The following CSTPP1 variants were observed in gnomAD, a reference collection of about 807,000 sequenced individuals.
The protein encoded by CSTPP1 is centriolar satellite-associated tubulin polyglutamylase complex regulator 1.
the CSTPP1 span, among the ~76,000 whole-genome samples, chr11:47,105,535 G>A: frequency 3.9e-5 from 6 of 151,994 alleles, no homozygotes; most frequent in African/African-American, 1.2e-4. Flanking sequence ...AAAAGAAACA[G>A]TAAGTACAGC....
the CSTPP1 span, among the ~76,000 whole-genome samples, chr11:47,007,794 C>T: frequency 6.6e-6 from 1 of 152,108 alleles, no homozygotes; most frequent in African/African-American, 2.4e-5. Context: ...GGCAGATGGC[C>T]TGGGCACTAG....
the CSTPP1 span, among the ~76,000 whole-genome samples, chr11:46,983,661 G>A: frequency 3.9e-5 from 6 of 152,088 alleles, no homozygotes; most frequent in Non-Finnish European, 7.4e-5. Context: ...AATGTAAAAT[G>A]ACACTCTCCG....
chr11:46,940,856 AAGGC>A, the CSTPP1 span, among the ~76,000 whole-genome samples: 1 of 152,216 alleles, frequency 6.6e-6, no homozygotes, highest in Non-Finnish European at 1.5e-5. Context: ...AATATTTGAA[AAGGC>A]TAGTTCATTG....
At chr11:46,985,573 C>G in the CSTPP1 span, among the ~76,000 whole-genome samples, 7 of 152,148 alleles carry the variant, frequency 4.6e-5, no homozygotes, top group South Asian at 6.2e-4. Flanking sequence ...TAAAGTTTGT[C>G]AGGAAACCTC....
chr11:47,119,661 G>C, the CSTPP1 span, among the ~76,000 whole-genome samples: 1 of 144,642 alleles, frequency 6.9e-6, no homozygotes, highest in Non-Finnish European at 1.5e-5. Context: ...GCCCAGGCTG[G>C]AGTGCAATGG....
chr11:46,938,163 T>C, the CSTPP1 span, among the ~76,000 whole-genome samples: 1 of 152,052 alleles, frequency 6.6e-6, no homozygotes, highest in Non-Finnish European at 1.5e-5. Flanking sequence ...CGTGAGCCAC[T>C]GCACATGGCG....
chr11:46,968,913 A>T, the CSTPP1 span, among the ~76,000 whole-genome samples: 27 of 150,660 alleles, frequency 1.8e-4, no homozygotes, highest in East Asian at 4.5e-3. Context: ...ATAATAATAA[A>T]AAAAAGAGTG....
At chr11:46,952,770 G>T in the CSTPP1 span, among the ~76,000 whole-genome samples, 1 of 152,250 alleles carries the variant, frequency 6.6e-6, no homozygotes, top group African/African-American at 2.4e-5. Flanking sequence ...AATCAGAATA[G>T]TTCCTCTCTA....
At chr11:47,076,249 T>A in the CSTPP1 span, among the ~76,000 whole-genome samples, 1 of 152,180 alleles carries the variant, frequency 6.6e-6, no homozygotes, top group Non-Finnish European at 1.5e-5. Flanking sequence ...TGCTTAGCTG[T>A]CAGAATGCTG....
the CSTPP1 span, among the ~76,000 whole-genome samples, chr11:46,962,540 AATATTAAGT>A: frequency 6.6e-6 from 1 of 152,200 alleles, no homozygotes; most frequent in Non-Finnish European, 1.5e-5. Flanking sequence ...GCCATTTAAC[AATATTAAGT>A]CTAACAACCT....
chr11:47,036,687 TTTTG>T, the CSTPP1 span, among the ~76,000 whole-genome samples: 1 of 126,656 alleles, frequency 7.9e-6, no homozygotes, highest in Non-Finnish European at 1.9e-5. Context: ...TTTTGTTTTG[TTTTG>T]TTTGAGACGC....
the CSTPP1 span, among the ~76,000 whole-genome samples, chr11:47,029,347 C>G: frequency 6.6e-6 from 1 of 152,064 alleles, no homozygotes; most frequent in Non-Finnish European, 1.5e-5. Flanking sequence ...TGGCTCACTC[C>G]TGTAATCCCA....
chr11:47,132,376 A>T, the CSTPP1 span, among the ~76,000 whole-genome samples: 1 of 152,214 alleles, frequency 6.6e-6, no homozygotes, highest in South Asian at 2.1e-4. Context: ...AAGTTCAAAG[A>T]TTCCTTAATT....
At chr11:47,147,029 A>G in the CSTPP1 span, among the ~76,000 whole-genome samples, 1 of 152,244 alleles carries the variant, frequency 6.6e-6, no homozygotes, top group African/African-American at 2.4e-5. Context: ...TTAGTAAATC[A>G]TGGTGATCCC....
the CSTPP1 span, among the ~76,000 whole-genome samples, chr11:46,973,438 G>T: frequency 6.6e-6 from 1 of 152,104 alleles, no homozygotes; most frequent in African/African-American, 2.4e-5. Context: ...CTCTTTCATG[G>T]AAAACAAGTC....
chr11:47,153,570 C>T, the CSTPP1 span, among the ~76,000 whole-genome samples: 1 of 152,128 alleles, frequency 6.6e-6, no homozygotes, highest in Non-Finnish European at 1.5e-5. Context: ...GGCAGGCTGA[C>T]CTCTGAGCCT....
the CSTPP1 span, among the ~76,000 whole-genome samples, chr11:47,106,337 T>G: frequency 6.6e-6 from 1 of 152,212 alleles, no homozygotes; most frequent in Non-Finnish European, 1.5e-5. Context: ...GGACTTCTAG[T>G]GAAAGGATGA....
the CSTPP1 span, among the ~76,000 whole-genome samples, chr11:46,993,516 C>A: frequency 6.6e-6 from 1 of 152,034 alleles, no homozygotes; most frequent in Non-Finnish European, 1.5e-5. Flanking sequence ...TTTCCCAGAA[C>A]CATTTATTAA....
chr11:47,017,850 T>C, the CSTPP1 span, among the ~76,000 whole-genome samples: 1 of 151,898 alleles, frequency 6.6e-6, no homozygotes, highest in Admixed American at 6.6e-5. Flanking sequence ...GTGTTATTAG[T>C]AGAGATGGGA....
Sources: allele counts gnomAD v4.1 joint callset (sites outside exome capture counted in the v4.1 genomes callset), GRCh38; gene constraint gnomAD v4.1.1; transcripts MANE v1.5; gene names NCBI Gene and HGNC (gene_info 2026-07-23, HGNC 2026-07-21).